The following EEF1E1 variants were observed in gnomAD, a reference collection of about 807,000 sequenced individuals.
EEF1E1 encodes eukaryotic translation elongation factor 1 epsilon 1.
EEF1E1 carries 19 observed loss-of-function variants against 19.9 expected under a neutral mutation model. The ratio of observed to expected loss-of-function variants is 0.95; its 90% CI spans 0.66 to 1.40. The LOEUF (loss-of-function observed/expected upper bound fraction) is 1.40. Among genes scored for constraint, EEF1E1 ranks in the 40% most tolerant of loss-of-function variants. The probability of loss-of-function intolerance (pLI) is 0.00; values close to 1 mark genes in which losing one functional copy is unlikely to be tolerated. For missense variants in EEF1E1, 198 were observed against 202.2 expected, an observed-to-expected ratio of 0.98 and a Z score of 0.13; for synonymous variants, 81 against 80.0, an observed-to-expected ratio of 1.01 and a Z score of -0.07.
chr6:8,088,416 G>A (rs1272769177), intron 3 of EEF1E1, among the ~76,000 whole-genome samples: 2 of 152,176 alleles, frequency 1.3e-5, no homozygotes, highest in African/African-American at 4.8e-5. Context: ...ACATGTCACA[G>A]GAGGAACCTG....
At chr6:8,095,366 G>T in intron 2 of EEF1E1, 1 of 426,860 alleles carries the variant, frequency 2.3e-6, no homozygotes, top group Non-Finnish European at 4.7e-6. Context: ...AGCCATGCGT[G>T]GTGGTGCACA....
downstream of EEF1E1, among the ~76,000 whole-genome samples, chr6:8,075,608 A>G (rs963051321): frequency 6.9e-6 from 1 of 144,568 alleles, no homozygotes; most frequent in African/African-American, 2.5e-5. Context: ...ACCTTTAGGA[A>G]GTCAATCTTC....
chr6:8,080,263 G>A (rs1324460463), intron 3 of EEF1E1, among the ~76,000 whole-genome samples: 1 of 152,114 alleles, frequency 6.6e-6, no homozygotes, highest in African/African-American at 2.4e-5. Context: ...TCCTTCCTGC[G>A]AAATACCAAG....
intron 2 of EEF1E1, among the ~76,000 whole-genome samples, chr6:8,092,756 C>T (rs1364514236): frequency 5.3e-5 from 8 of 151,746 alleles, no homozygotes; most frequent in African/African-American, 1.9e-4. Context: ...AAAATAAATA[C>T]ATCTTCATTT....
chr6:8,096,036 A>G (rs1299231334), intron 2 of EEF1E1, among the ~76,000 whole-genome samples: 1 of 152,216 alleles, frequency 6.6e-6, no homozygotes, highest in Non-Finnish European at 1.5e-5. Flanking sequence ...CCAGCTCCAC[A>G]TATATTTCAA....
At chr6:8,074,789 C>A (rs1442647383), downstream of EEF1E1, among the ~76,000 whole-genome samples, 1 of 152,164 alleles carries the variant, frequency 6.6e-6, no homozygotes, top group Non-Finnish European at 1.5e-5. Context: ...CCTCCAAGAT[C>A]TAAGTTAGTT....
chr6:8,087,954 C>CAG (rs1422602256), intron 3 of EEF1E1, among the ~76,000 whole-genome samples: 1 of 152,108 alleles, frequency 6.6e-6, no homozygotes, highest in Non-Finnish European at 1.5e-5. Flanking sequence ...AGCTTGTAGG[C>CAG]AGAGAGATGG....
intron 1 of EEF1E1, among the ~76,000 whole-genome samples, chr6:8,101,310 A>C (rs1758356876): frequency 7.5e-6 from 1 of 132,790 alleles, no homozygotes; most frequent in Admixed American, 8.0e-5. Context: ...AAACGGTTGC[A>C]ATGTTTGTCC....
chr6:8,079,442 ATCCATCTGTCT>A lies in EEF1E1; in HGVS notation c.*437_*447del. ...AGCTCACATAAATATTTTAAAACAA[ATCCATCTGTCT>A]TCCCTTTTGGCTTCCTTGGCACAAT... On this transcript the variant is annotated 3_prime_UTR_variant, in exon 4 of 4. Coordinates refer to ENST00000379715, the MANE Select transcript of EEF1E1 (RefSeq NM_004280.5). 1 of 989,598 alleles carries A rather than the reference ATCCATCTGTCT, an allele frequency of 1.0e-6. No homozygotes were observed. The highest frequency in any genetic ancestry group is 1.2e-6 in the Non-Finnish European group (1 of 832,050). 61.3% of individuals were successfully genotyped at this position (989,598 alleles called of 1,614,324 possible). A position where few individuals can be genotyped will look rare whatever the true frequency, so the allele number is the denominator to read the frequency against.
chr6:8,098,345 CTT>C (rs1326347957), intron 1 of EEF1E1, among the ~76,000 whole-genome samples: 2 of 152,104 alleles, frequency 1.3e-5, no homozygotes, highest in Non-Finnish European at 2.9e-5. Flanking sequence ...GTCTGGAACT[CTT>C]GACCTCGTGA....
At chr6:8,101,238 AAAAAAATATATATATAT>A (rs1434666864) in intron 1 of EEF1E1, among the ~76,000 whole-genome samples, 4 of 74,804 alleles carry the variant, frequency 5.3e-5, no homozygotes, top group African/African-American at 2.5e-4. Context: ...AAAAAAAAAA[AAAAAAATATATATATAT>A]ATATATATAT....
rs753658061 is a variant in EEF1E1 at position 8,102,451 on chromosome 6, G to C, written c.71C>G (p.Ala24Gly). 6.2e-7 allele frequency: 1 copy of C among 1,612,328 alleles called. No homozygotes were observed. The highest frequency in any genetic ancestry group is 1.1e-5 in the South Asian group (1 of 91,064). The change falls in exon 1 of 4, where the codon GCT becomes GGT. Residue 24 changes from alanine to glycine, a missense_variant. Transcript: ENST00000379715. ...LGLSKGNKYSAQGERQIPVLQ... is the reference protein window; with the variant it reads ...LGLSKGNKYSGQGERQIPVLQ... ...CCTTCTCACCTGTCGCTCGCCCTGAGCACTGTATTTATTCCCCTTACTCAG... is the reference window on the plus strand; with the variant it reads ...CCTTCTCACCTGTCGCTCGCCCTGACCACTGTATTTATTCCCCTTACTCAG...
downstream of EEF1E1, among the ~76,000 whole-genome samples, chr6:8,074,804 G>A (rs1757553381): frequency 6.6e-6 from 1 of 152,194 alleles, no homozygotes; most frequent in Non-Finnish European, 1.5e-5. Context: ...TTAGTTGCGA[G>A]AAGTCCTGGT....
At chr6:8,080,757 T>TG (rs1420084035) in intron 3 of EEF1E1, among the ~76,000 whole-genome samples, 1 of 152,228 alleles carries the variant, frequency 6.6e-6, no homozygotes, top group African/African-American at 2.4e-5. Context: ...GGCAGTAACT[T>TG]GCAGCCATGA....
chr6:8,075,009 T>G (rs891344299), downstream of EEF1E1, among the ~76,000 whole-genome samples: 1 of 152,092 alleles, frequency 6.6e-6, no homozygotes, highest in African/African-American at 2.4e-5. Context: ...AAGAGTGAAA[T>G]AGTTGGGATG....
At chr6:8,079,324 C>T (rs969607026), downstream of EEF1E1, 3 of 801,390 alleles carry the variant, frequency 3.7e-6, no homozygotes, top group African/African-American at 1.9e-5. Flanking sequence ...TCCAGTTTCC[C>T]GTAGGGCAGT....
chr6:8,090,143 T>G lies in EEF1E1; in HGVS notation c.384+43A>C, dbSNP rs772703099. ...CAAGACAAAGTTTTAAAAATCATTCTCAACACTACAGAAAAAAAGCCAGTA... is the reference window on the plus strand; with the variant it reads ...CAAGACAAAGTTTTAAAAATCATTCGCAACACTACAGAAAAAAAGCCAGTA... On this transcript the variant is annotated intron_variant, in intron 3 of 3. Transcript: ENST00000379715. 9.7e-6 allele frequency: 14 copies of G among 1,439,566 alleles called. No individual in the cohort carries two copies. The South Asian group carries it at 2.0e-4, about 20-fold the overall frequency. 89.2% of individuals were successfully genotyped at this position (1,439,566 alleles called of 1,614,324 possible).
In EEF1E1 at chr6:8,085,318, G is replaced by GT. The variant is rs75193756; in HGVS notation, c.384+4867dup. Among the ~76,000 whole-genome samples the GT allele has an allele frequency of 6.0e-3, 872 of 144,548 alleles. 2 individuals carry two copies. The highest frequency in any genetic ancestry group is 7.3e-3 in the South Asian group (33 of 4,542). 94.8% of individuals were successfully genotyped at this position (144,548 alleles called of 152,430 possible). A position where few individuals can be genotyped will look rare whatever the true frequency, so the allele number is the denominator to read the frequency against. On this transcript the variant is annotated intron_variant, in intron 3 of 3. Coordinates refer to ENST00000379715, the MANE Select transcript of EEF1E1 (RefSeq NM_004280.5). ...ACAGAGCTACCACGCCTGGTTAATG[G>GT]TTTTTTTTTTTTTTAAATAGAGACG...
intron 1 of EEF1E1, chr6:8,101,735 C>G (rs1561647453): frequency 7.8e-7 from 1 of 1,288,582 alleles, no homozygotes; most frequent in Admixed American, 2.3e-5. Context: ...CACAAACGTT[C>G]TAACAGTGCC....
Sources: gnomAD v4.1 joint callset for allele counts (sites outside exome capture counted in the v4.1 genomes callset) on GRCh38, gnomAD v4.1.1 for gene constraint, MANE v1.5 for transcripts, NCBI Gene and HGNC (gene_info 2026-07-23, HGNC 2026-07-21) for gene names.